CSMD1: variants seen among roughly 807,000 people sequenced by gnomAD.
CSMD1 encodes CUB and sushi domain-containing protein 1.
A neutral mutation model predicts 417.5 loss-of-function variants in CSMD1; 213 were observed. The observed-to-expected ratio is 0.51, with a 90% CI of 0.46 to 0.57. The LOEUF (loss-of-function observed/expected upper bound fraction) is 0.57. CSMD1 is among the 20% of genes least tolerant of loss of function. CSMD1 has a pLI of 0.00. For synonymous variants in CSMD1, 2,862 were observed against 1,736.8 expected, an observed-to-expected ratio of 1.65 and a Z score of -16.11; for missense variants, 6,923 against 4,529.7, an observed-to-expected ratio of 1.53 and a Z score of -15.17.
intron 7 of CSMD1, among the ~76,000 whole-genome samples, chr8:3,693,030 A>T (rs1332724258): frequency 2.0e-5 from 3 of 152,176 alleles, no homozygotes; most frequent in African/African-American, 7.2e-5. Context: ...ACTCTTAAGA[A>T]GGTTTACAAT....
At chr8:4,652,373 C>A (rs1803950921) in intron 1 of CSMD1, among the ~76,000 whole-genome samples, 1 of 100,494 alleles carries the variant, frequency 1.0e-5, no homozygotes, top group Admixed American at 1.2e-4. Flanking sequence ...ACATATGAGA[C>A]TTCCATTCTG....
At chr8:3,894,523 T>A (rs1212726277) in intron 5 of CSMD1, among the ~76,000 whole-genome samples, 3 of 152,098 alleles carry the variant, frequency 2.0e-5, no homozygotes, top group East Asian at 3.9e-4. Flanking sequence ...TAAAAAAAAA[T>A]AATCCTATGA....
chr8:4,119,259 A>T (rs7826685), intron 3 of CSMD1, among the ~76,000 whole-genome samples: 149,553 of 151,262 alleles, frequency 0.99, 73,955 homozygotes, highest in Non-Finnish European at 1. Flanking sequence ...AAGTAAAATT[A>T]AAAAAAAAAT....
chr8:4,363,658 C>G (rs1801904871), intron 3 of CSMD1, among the ~76,000 whole-genome samples: 1 of 152,142 alleles, frequency 6.6e-6, no homozygotes, highest in Non-Finnish European at 1.5e-5. Flanking sequence ...TGGCAGGCAG[C>G]CTTTAAAAAG....
intron 1 of CSMD1, among the ~76,000 whole-genome samples, chr8:4,704,969 T>C (rs1251870399): frequency 6.6e-6 from 1 of 152,168 alleles, no homozygotes; most frequent in East Asian, 1.9e-4. Flanking sequence ...AAATCTAACT[T>C]CCAATTGTAA....
chr8:3,513,537 A>G (rs1004417146), intron 10 of CSMD1, among the ~76,000 whole-genome samples: 4 of 152,066 alleles, frequency 2.6e-5, no homozygotes, highest in African/African-American at 9.7e-5. Context: ...CTTTATATAT[A>G]CACCTATCCT....
At chr8:4,123,910 T>C (rs1473110379) in intron 3 of CSMD1, among the ~76,000 whole-genome samples, 1 of 152,124 alleles carries the variant, frequency 6.6e-6, no homozygotes, top group Non-Finnish European at 1.5e-5. Flanking sequence ...GATTTCACAA[T>C]CTCTTACAAA....
At chr8:3,228,913 G>C (rs1422896732) in intron 27 of CSMD1, among the ~76,000 whole-genome samples, 1 of 152,086 alleles carries the variant, frequency 6.6e-6, no homozygotes. Context: ...GACTCAGCTT[G>C]AGTAAAACGC....
chr8:3,777,775 C>T (rs1485495773), intron 5 of CSMD1, among the ~76,000 whole-genome samples: 1 of 93,360 alleles, frequency 1.1e-5, no homozygotes, highest in African/African-American at 5.4e-5. Context: ...TCAGTTCCCA[C>T]TCCAGACCCA....
intron 1 of CSMD1, among the ~76,000 whole-genome samples, chr8:4,763,679 CA>C (rs1381922959): frequency 6.6e-6 from 1 of 152,130 alleles, no homozygotes; most frequent in African/African-American, 2.4e-5. Flanking sequence ...GATTGAGTTT[CA>C]AGCAAGTTTT....
At chr8:4,241,583 A>G (rs1422268380) in intron 3 of CSMD1, among the ~76,000 whole-genome samples, 1 of 152,244 alleles carries the variant, frequency 6.6e-6, no homozygotes, top group African/African-American at 2.4e-5. Context: ...AGCGGACCCT[A>G]AATACCCGGA....
At chr8:4,109,946 G>T (rs1484120206) in intron 3 of CSMD1, among the ~76,000 whole-genome samples, 2 of 152,062 alleles carry the variant, frequency 1.3e-5, no homozygotes, top group African/African-American at 4.8e-5. Context: ...ATGACAATTT[G>T]GTGAATAATA....
At position 4,212,751 on chromosome 8, in the gene CSMD1, C is replaced by CTTTTTTTTTTTTTTT. The variant is rs5889027; in HGVS notation, c.416-180667_416-180653dup. ...AAAAGTTTACAACAGCGGCCTTATT[C>CTTTTTTTTTTTTTTT]TTTTTTTTTTTTTTTTTTTTTTTTT... On this transcript the variant is annotated intron_variant, in intron 3 of 69. Transcript: ENST00000635120. Among the ~76,000 whole-genome samples the CTTTTTTTTTTTTTTT allele has an allele frequency of 1.6e-3, 157 of 99,214 alleles. 12 individuals carry two copies. The highest frequency in any genetic ancestry group is 0.014 in the East Asian group (38 of 2,774). The allele number at this position is 99,214 out of a possible 152,430, so 65.1% of individuals were successfully genotyped here.
chr8:4,522,892 T>A (rs1803547112), intron 2 of CSMD1, among the ~76,000 whole-genome samples: 2 of 152,158 alleles, frequency 1.3e-5, no homozygotes, highest in African/African-American at 4.8e-5. Context: ...CTTACTTCCA[T>A]AATCCTAAGG....
At chr8:3,974,132 T>TTC (rs1813260901) in intron 5 of CSMD1, among the ~76,000 whole-genome samples, 1 of 152,024 alleles carries the variant, frequency 6.6e-6, no homozygotes, top group South Asian at 2.1e-4. Flanking sequence ...ATAGGTAGTT[T>TTC]TGTGTGTGTG....
At chr8:3,409,666 T>G in intron 12 of CSMD1, 61 bp from the exon 13 acceptor site, 2 of 1,335,170 alleles carry the variant, frequency 1.5e-6, no homozygotes, top group Non-Finnish European at 2.0e-6. Context: ...TTTTTATCTC[T>G]ACAACTTAGA....
At chr8:3,721,711 G>C (rs1383992205) in intron 6 of CSMD1, among the ~76,000 whole-genome samples, 1 of 152,098 alleles carries the variant, frequency 6.6e-6, no homozygotes, top group East Asian at 1.9e-4. Context: ...CATGTTAAAT[G>C]AAAGTTAATG....
chr8:2,988,903 C>T (rs551910751), intron 54 of CSMD1, among the ~76,000 whole-genome samples: 10 of 152,094 alleles, frequency 6.6e-5, no homozygotes, highest in Admixed American at 3.3e-4. Flanking sequence ...TGTCTAATTC[C>T]GCCTCACAGT....
intron 1 of CSMD1, among the ~76,000 whole-genome samples, chr8:4,921,874 T>G (rs538797826): frequency 6.6e-6 from 1 of 152,208 alleles, no homozygotes; most frequent in African/African-American, 2.4e-5. Context: ...CAAGAGTGAC[T>G]GTATTCACTC....
Sources: gnomAD v4.1 joint callset for allele counts (sites outside exome capture counted in the v4.1 genomes callset) on GRCh38, gnomAD v4.1.1 for gene constraint, MANE v1.5 for transcripts, NCBI Gene and HGNC (gene_info 2026-07-23, HGNC 2026-07-21) for gene names.